USP7: variants seen among roughly 807,000 people sequenced by gnomAD.
USP7 encodes the protein ubiquitin specific peptidase 7.
In USP7, 9 loss-of-function variants were observed where a neutral mutation model predicts 162.9. The observed-to-expected ratio is 0.06, with a 90% confidence interval of 0.03 to 0.10. The LOEUF (loss-of-function observed/expected upper bound fraction) is 0.10, where lower values mean the gene tolerates loss of function less well. Among genes scored for constraint, USP7 ranks in the 10% least tolerant of loss-of-function variants. The pLI, the probability that USP7 is intolerant of heterozygous loss-of-function variation, is 1.00. For missense variants in USP7, 715 were observed against 1,373.7 expected (o/e 0.52, Z 7.58); for synonymous variants, 562 against 475.9 (o/e 1.18, Z -2.35).
chr16:8,934,481 G>A (rs550430290), intron 1 of USP7, among the ~76,000 whole-genome samples: 17 of 152,338 alleles, frequency 1.1e-4, no homozygotes, highest in South Asian at 6.2e-4. Context: ...GGGGAAATGC[G>A]TAAGCTCTAC....
At chr16:8,903,955 G>C (rs1249485423) in intron 15 of USP7, among the ~76,000 whole-genome samples, 1 of 151,952 alleles carries the variant, frequency 6.6e-6, no homozygotes, top group African/African-American at 2.4e-5. Context: ...GACCTAGCTA[G>C]ACAGCCAACG....
At chr16:8,900,458 T>G in intron 21 of USP7, 72 bp downstream of exon 21, 1 of 1,168,486 alleles carries the variant, frequency 8.6e-7, no homozygotes, top group Non-Finnish European at 1.2e-6. Flanking sequence ...GGTACAAATG[T>G]TTCTTGGTTC....
intron 10 of USP7, among the ~76,000 whole-genome samples, chr16:8,911,247 G>A (rs547112657): frequency 1.2e-4 from 19 of 152,186 alleles, no homozygotes; most frequent in Admixed American, 5.9e-4. Flanking sequence ...AGGTCAACAC[G>A]GGGTGGGGTG....
At chr16:8,922,717 A>G (rs1897766731) in intron 3 of USP7, among the ~76,000 whole-genome samples, 1 of 152,252 alleles carries the variant, frequency 6.6e-6, no homozygotes, top group East Asian at 1.9e-4. Context: ...TAATTCATCT[A>G]AATAGAAGGA....
chr16:8,936,689 A>C, intron 1 of USP7: 1 of 1,503,912 alleles, frequency 6.6e-7, no homozygotes, highest in Non-Finnish European at 8.8e-7. Context: ...GACTGCATAG[A>C]ATCTCTAGGA....
intron 1 of USP7, among the ~76,000 whole-genome samples, chr16:8,961,983 C>T (rs562830536): frequency 1.2e-4 from 18 of 152,284 alleles, no homozygotes; most frequent in African/African-American, 4.3e-4. Flanking sequence ...TTGTCATTTG[C>T]AACCTGGCCA....
chr16:8,912,459 A>AC (rs539262417), intron 10 of USP7, among the ~76,000 whole-genome samples: 1 of 151,794 alleles, frequency 6.6e-6, no homozygotes, highest in Admixed American at 6.6e-5. Flanking sequence ...CAAAAAAAAA[A>AC]AAAGAAAGAA....
chr16:8,906,009 C>T (rs993743223), intron 13 of USP7, among the ~76,000 whole-genome samples: 1 of 152,150 alleles, frequency 6.6e-6, no homozygotes, highest in Non-Finnish European at 1.5e-5. Flanking sequence ...ATGGCGCCCT[C>T]TACACTCCCA....
chr16:8,908,216 T>C, intron 12 of USP7, 125 bp downstream of exon 12: 4 of 796,626 alleles, frequency 5.0e-6, no homozygotes, highest in East Asian at 2.7e-5. Flanking sequence ...GACACAGAGG[T>C]AGAAGGAAAA....
chr16:8,912,225 G>A (rs191439829), intron 10 of USP7, among the ~76,000 whole-genome samples: 20 of 152,286 alleles, frequency 1.3e-4, no homozygotes, highest in Non-Finnish European at 1.8e-4. Context: ...GCAGAGGTAC[G>A]TGGATCGCCT....
chr16:8,914,318 T>C (rs2061995976), intron 10 of USP7, among the ~76,000 whole-genome samples: 1 of 151,958 alleles, frequency 6.6e-6, no homozygotes, highest in Admixed American at 6.6e-5. Flanking sequence ...CTCTGCCACC[T>C]TCCTGATGAC....
At chr16:8,949,796 C>A (rs1390308692) in intron 1 of USP7, 1 of 152,244 alleles carries the variant, frequency 6.6e-6, no homozygotes, top group Non-Finnish European at 1.5e-5. Context: ...CCCCTCCAAG[C>A]CCCCAGGGCC....
intron 8 of USP7, 81 bp downstream of exon 8, chr16:8,916,421 G>C (rs574753852): frequency 7.3e-7 from 1 of 1,370,586 alleles, no homozygotes; most frequent in South Asian, 1.4e-5. Flanking sequence ...AATTAGGTCT[G>C]AGGTTTTACT....
chr16:8,896,205 G>A (rs1217429412), intron 26 of USP7, among the ~76,000 whole-genome samples: 8 of 150,782 alleles, frequency 5.3e-5, no homozygotes, highest in South Asian at 2.1e-4. Flanking sequence ...GGCAAGGCAC[G>A]GAGAGGGGGT....
intron 6 of USP7, among the ~76,000 whole-genome samples, chr16:8,918,210 G>A (rs1019497741): frequency 1.2e-4 from 18 of 152,126 alleles, no homozygotes; most frequent in Admixed American, 1.1e-3. Context: ...AACCTGTCTG[G>A]GTGGCTGTGC....
In USP7 at chr16:8,897,381, C is replaced by G. The variant is rs974565987; in HGVS notation, c.2719-282G>C. ...AGAACACCTTCTCAGGAAATGGTCC[C>G]GAGGGGTCACCCAGGGCCTTCCCAA... On this transcript the variant is annotated intron_variant, in intron 25 of 30. Transcript: ENST00000344836. 7.9e-6 allele frequency: 3 copies of G among 379,462 alleles called. No individual in the cohort carries two copies. In the East Asian group the frequency reaches 1.5e-4, roughly 19 times the overall value. 23.5% of individuals were successfully genotyped at this position (379,462 alleles called of 1,614,324 possible).
intron 1 of USP7, among the ~76,000 whole-genome samples, chr16:8,948,992 T>C (rs1899426526): frequency 6.6e-6 from 1 of 152,120 alleles, no homozygotes; most frequent in Non-Finnish European, 1.5e-5. Context: ...ACACAGTCTA[T>C]GAAATGTCTA....
chr16:8,909,666 GC>G, intron 11 of USP7, among the ~76,000 whole-genome samples: 1 of 152,302 alleles, frequency 6.6e-6, no homozygotes, highest in Non-Finnish European at 1.5e-5. Flanking sequence ...AGTGGCTCAT[GC>G]CTGTAATCCC....
chr16:8,955,336 C>A (rs564975186), intron 1 of USP7, among the ~76,000 whole-genome samples: 1 of 152,202 alleles, frequency 6.6e-6, no homozygotes, highest in East Asian at 1.9e-4. Flanking sequence ...CCTCGACCTC[C>A]AAGGTTCAAG....
Sources: allele counts gnomAD v4.1 joint callset (sites outside exome capture counted in the v4.1 genomes callset), GRCh38; gene constraint gnomAD v4.1.1; transcripts MANE v1.5; gene names NCBI Gene and HGNC (gene_info 2026-07-23, HGNC 2026-07-21).